MTX2: variants seen among roughly 807,000 people sequenced by gnomAD.
MTX2 encodes the protein metaxin-2.
MTX2 carries 35 observed loss-of-function variants against 42.3 expected under a neutral mutation model. The observed-to-expected ratio is 0.83, with a 90% CI of 0.63 to 1.10. MTX2 has a LOEUF of 1.10. MTX2 is among the 50% of genes least tolerant of loss of function. The pLI is 0.00. For synonymous variants in MTX2, 119 were observed against 100.9 expected, an observed-to-expected ratio of 1.18 and a Z score of -1.08; for missense variants, 307 against 304.1, an observed-to-expected ratio of 1.01 and a Z score of -0.07.
chr2:176,271,807 A>G (rs765460700), intron 1 of MTX2, among the ~76,000 whole-genome samples: 4 of 152,218 alleles, frequency 2.6e-5, no homozygotes, highest in Non-Finnish European at 4.4e-5. Context: ...ACACAATGAT[A>G]TTAATTGCAG....
At position 176,282,126 on chromosome 2, in the gene MTX2, G is replaced by GTTTTTTTTGTTTT. The variant is rs767511650; in HGVS notation, c.40+12465_40+12466insGTTTTTTTTTTTT. ...TGATATTATTTTTAGAGTTACAGTA[G>GTTTTTTTTGTTTT]TTTTTTTTTTTTTTTTTTTTTTTTT... On this transcript the variant is annotated intron_variant, in intron 1 of 9. Coordinates refer to ENST00000249442, the MANE Select transcript of MTX2 (RefSeq NM_006554.5). 2.3e-3 allele frequency among the ~76,000 whole-genome samples: 62 copies of GTTTTTTTTGTTTT among 26,420 alleles called. 6 individuals are homozygous for GTTTTTTTTGTTTT. Among genetic ancestry groups the GTTTTTTTTGTTTT allele is most frequent in the South Asian group, 4.9e-3 (3 of 610 alleles). 17.3% of individuals were successfully genotyped at this position (26,420 alleles called of 152,430 possible).
intron 3 of MTX2, among the ~76,000 whole-genome samples, chr2:176,303,156 G>A (rs1558933586): frequency 6.6e-6 from 1 of 152,004 alleles, no homozygotes; most frequent in East Asian, 1.9e-4. Context: ...GTTTAAACCT[G>A]ATGTAAATAG....
intron 3 of MTX2, among the ~76,000 whole-genome samples, chr2:176,314,550 A>G (rs1451643331): frequency 1.3e-5 from 2 of 152,146 alleles, no homozygotes; most frequent in East Asian, 3.8e-4. Context: ...GAGTATTATT[A>G]GTATATTTGG....
chr2:176,331,651 A>C (rs1323682876), intron 9 of MTX2, among the ~76,000 whole-genome samples: 6 of 151,194 alleles, frequency 4.0e-5, no homozygotes, highest in Admixed American at 3.3e-4. Context: ...TTTGAAGCAG[A>C]AAAATCTTCA....
At chr2:176,325,963 CGG>C (rs1558943256) in intron 4 of MTX2, among the ~76,000 whole-genome samples, 16 of 147,316 alleles carry the variant, frequency 1.1e-4, no homozygotes, top group Non-Finnish European at 2.1e-4. Context: ...CCCAGGCTGA[CGG>C]AGCCAGAGAG....
At chr2:176,329,722 A>T (rs1684808781) in intron 8 of MTX2, among the ~76,000 whole-genome samples, 1 of 149,078 alleles carries the variant, frequency 6.7e-6, no homozygotes, top group Non-Finnish European at 1.5e-5. Context: ...TCTTAGTAAC[A>T]TTTTCTCAAA....
chr2:176,301,485 C>T (rs1575045274), intron 3 of MTX2, among the ~76,000 whole-genome samples: 1 of 152,092 alleles, frequency 6.6e-6, no homozygotes, highest in South Asian at 2.1e-4. Context: ...ATAAATAATC[C>T]TTTCACACAG....
chr2:176,308,711 T>C (rs1449684682), intron 3 of MTX2, among the ~76,000 whole-genome samples: 1 of 152,212 alleles, frequency 6.6e-6, no homozygotes, highest in Non-Finnish European at 1.5e-5. Context: ...GATGGTAGGT[T>C]GTATTTCTTT....
At chr2:176,316,895 A>G (rs1380788631) in intron 3 of MTX2, among the ~76,000 whole-genome samples, 1 of 152,122 alleles carries the variant, frequency 6.6e-6, no homozygotes, top group Admixed American at 6.5e-5. Flanking sequence ...ATTTATAGCA[A>G]TAACATTTCT....
intron 9 of MTX2, among the ~76,000 whole-genome samples, chr2:176,332,951 T>C (rs1367687364): frequency 6.6e-6 from 1 of 151,184 alleles, no homozygotes; most frequent in Non-Finnish European, 1.5e-5. Context: ...GTTAGGAAAA[T>C]GTTGAATTTT....
At chr2:176,316,180 A>C (rs532048430) in intron 3 of MTX2, among the ~76,000 whole-genome samples, 2 of 152,292 alleles carry the variant, frequency 1.3e-5, no homozygotes, top group South Asian at 4.1e-4. Context: ...TAGTGGACCA[A>C]ATAGCCTTTG....
chr2:176,321,665 G>C (rs1684585869), intron 3 of MTX2, among the ~76,000 whole-genome samples: 1 of 152,036 alleles, frequency 6.6e-6, no homozygotes, highest in Non-Finnish European at 1.5e-5. Flanking sequence ...TAGTCAACAG[G>C]GAGGAAAAAG....
chr2:176,278,300 C>T (rs1178776335), intron 1 of MTX2, among the ~76,000 whole-genome samples: 1 of 151,976 alleles, frequency 6.6e-6, no homozygotes, highest in Admixed American at 6.6e-5. Flanking sequence ...ATCTGCCCGC[C>T]TCAGCCTCCC....
At position 176,312,052 on chromosome 2, in the gene MTX2, A is replaced by G. The variant is rs914538573; in HGVS notation, c.136-11340A>G. ...CTCTTGCAGTTGTGTGCAGATCATTATTAATAGTTTTTAAGTTGAATTCCT... is the reference window on the plus strand; with the variant it reads ...CTCTTGCAGTTGTGTGCAGATCATTGTTAATAGTTTTTAAGTTGAATTCCT... On this transcript the variant is annotated intron_variant, in intron 3 of 9. Coordinates refer to ENST00000249442, the MANE Select transcript of MTX2 (RefSeq NM_006554.5). 3.3e-5 allele frequency among the ~76,000 whole-genome samples: 5 copies of G among 152,178 alleles called. No homozygotes were observed. In the South Asian group the frequency reaches 8.3e-4, roughly 25 times the overall value.
intron 3 of MTX2, among the ~76,000 whole-genome samples, chr2:176,313,099 A>G (rs1253557290): frequency 6.6e-6 from 1 of 151,892 alleles, no homozygotes; most frequent in Non-Finnish European, 1.5e-5. Flanking sequence ...CACCAAGGTT[A>G]AGTGGTCTTT....
intron 3 of MTX2, among the ~76,000 whole-genome samples, chr2:176,300,328 C>G (rs1683991199): frequency 6.6e-6 from 1 of 152,004 alleles, no homozygotes; most frequent in African/African-American, 2.4e-5. Context: ...TTTCTAGAAG[C>G]CTCATTTAAC....
chr2:176,292,382 C>A (rs1693349172), intron 1 of MTX2, among the ~76,000 whole-genome samples: 2 of 152,034 alleles, frequency 1.3e-5, no homozygotes, highest in Non-Finnish European at 2.9e-5. Context: ...TTTTAAAATG[C>A]CACAGATTTT....
intron 1 of MTX2, among the ~76,000 whole-genome samples, chr2:176,279,277 A>G (rs1034933674): frequency 9.9e-5 from 15 of 152,148 alleles, no homozygotes; most frequent in African/African-American, 3.4e-4. Flanking sequence ...ATTTACCCCC[A>G]CATCATATTT....
Position 176,286,150 on chromosome 2 carries a change from C to A in MTX2, c.41-10710C>A, listed in dbSNP as rs1001765528. Among the ~76,000 whole-genome samples the A allele has an allele frequency of 3.6e-4, 55 of 152,062 alleles. 1 individual carries two copies. Among genetic ancestry groups the A allele is most frequent in the Admixed American group, 3.5e-3 (54 of 15,278 alleles). ...AGTATCTTTTCATGTGCTTTTTGGC[C>A]ATTTGTATATCTCCTTTGGAAAAAT... On this transcript the variant is annotated intron_variant, in intron 1 of 9. Coordinates refer to ENST00000249442, the MANE Select transcript of MTX2 (RefSeq NM_006554.5).
Sources: gnomAD v4.1 joint callset for allele counts (sites outside exome capture counted in the v4.1 genomes callset) on GRCh38, gnomAD v4.1.1 for gene constraint, MANE v1.5 for transcripts, NCBI Gene and HGNC (gene_info 2026-07-23, HGNC 2026-07-21) for gene names.